BRD4: variants seen among roughly 807,000 people sequenced by gnomAD.
BRD4 encodes bromodomain containing 4, also known as bromodomain-containing protein 4.
A neutral mutation model predicts 142.1 loss-of-function variants in BRD4; 16 were observed. The ratio of observed to expected loss-of-function variants is 0.11; its 90% confidence interval spans 0.08 to 0.17. The LOEUF (loss-of-function observed/expected upper bound fraction) is 0.17. Among genes scored for constraint, BRD4 ranks in the 10% least tolerant of loss-of-function variants. BRD4 has a pLI of 1.00. For missense variants in BRD4, 1,424 were observed against 1,810.9 expected (o/e 0.79, Z 3.88); for synonymous variants, 833 against 707.5 (o/e 1.18, Z -2.82).
chr19:15,265,627 G>A lies in BRD4; in HGVS notation c.576C>T (p.Gly192=), dbSNP rs763875252. ...GAGTTGTGTTTGGTACCGTGGAAACGCCAGGTTTTGCTGTCCCTACAAATC... is the reference window on the plus strand; with the variant it reads ...GAGTTGTGTTTGGTACCGTGGAAACACCAGGTTTTGCTGTCCCTACAAATC... The part of the protein sequence containing the change: ...GRKETGTAKP[G]VSTVPNTTQA... The change falls in exon 5 of 20, where the codon GGC becomes GGT. Residue 192 remains glycine, a synonymous_variant. Transcript: ENST00000679869. The A allele has an allele frequency of 7.4e-6, 12 of 1,613,996 alleles. No individual in the cohort carries two copies. Among genetic ancestry groups the A allele is most frequent in the Admixed American group, 6.7e-5 (4 of 59,996 alleles).
chr19:15,268,527 A>G (rs2047556348), intron 3 of BRD4, among the ~76,000 whole-genome samples: 2 of 152,068 alleles, frequency 1.3e-5, no homozygotes, highest in African/African-American at 4.8e-5. Flanking sequence ...GCACAACTAC[A>G]TTTTAGCAGG....
At chr19:15,260,891 G>GA (rs914593628) in intron 7 of BRD4, among the ~76,000 whole-genome samples, 2 of 151,942 alleles carry the variant, frequency 1.3e-5, no homozygotes, top group Non-Finnish European at 2.9e-5. Flanking sequence ...GGAGAGGACA[G>GA]AAAAAATGAG....
chr19:15,299,469 G>C (rs2047850468), intron 1 of BRD4, among the ~76,000 whole-genome samples: 1 of 152,150 alleles, frequency 6.6e-6, no homozygotes, highest in African/African-American at 2.4e-5. Context: ...AGAGTCCCTT[G>C]GTGGTGGTGG....
chr19:15,298,620 CAAAAAAAAAAAAAAAAAAAAAAAAAA>C lies in BRD4; in HGVS notation c.-34-25513_-34-25488del, dbSNP rs57719337. On this transcript the variant is annotated intron_variant, in intron 1 of 19. Transcript: ENST00000679869. ...TGGGCAACAGGGCGAGACTCCAACT[CAAAAAAAAAAAAAAAAAAAAAAAAAA>C]AAAAAAAAAAAAAAGCTTGTGGTCA... Among the ~76,000 whole-genome samples the C allele has an allele frequency of 6.9e-3, 456 of 66,038 alleles. 8 individuals are homozygous for C. Among genetic ancestry groups the C allele is most frequent in the African/African-American group, 0.026 (431 of 16,418 alleles). The allele number at this position is 66,038 out of a possible 152,430, so 43.3% of individuals were successfully genotyped here. A position where few individuals can be genotyped will look rare whatever the true frequency, so the allele number is the denominator to read the frequency against.
chr19:15,254,907 G>C (rs1222103449), intron 10 of BRD4, among the ~76,000 whole-genome samples: 3 of 152,190 alleles, frequency 2.0e-5, no homozygotes, highest in Admixed American at 6.5e-5. Flanking sequence ...GCTAGAGAGG[G>C]ACAGAGGCTG....
intron 1 of BRD4, among the ~76,000 whole-genome samples, chr19:15,321,035 A>G (rs936037974): frequency 6.6e-6 from 1 of 152,108 alleles, no homozygotes; most frequent in East Asian, 1.9e-4. Flanking sequence ...GGAGTTTGAG[A>G]CCAGCCTGGC....
chr19:15,315,512 G>A (rs552183231), intron 1 of BRD4, among the ~76,000 whole-genome samples: 1 of 151,790 alleles, frequency 6.6e-6, no homozygotes, highest in South Asian at 2.1e-4. Context: ...AAGGGGATTG[G>A]GGGGGGGAAG....
chr19:15,270,413 A>G (rs2047574469), intron 2 of BRD4, among the ~76,000 whole-genome samples: 1 of 152,214 alleles, frequency 6.6e-6, no homozygotes, highest in Admixed American at 6.5e-5. Flanking sequence ...CAAGTGGTCA[A>G]GAGGGGAGAC....
At chr19:15,253,333 G>A (rs1156839335) in intron 11 of BRD4, 1 of 581,540 alleles carries the variant, frequency 1.7e-6, no homozygotes, top group Non-Finnish European at 3.0e-6. Context: ...AGAATAATGA[G>A]GAAAGTGCAC....
Position 15,265,294 on chromosome 19 carries a change from G to C in BRD4, c.849+60C>G, listed in dbSNP as rs1365706305. The C allele has an allele frequency of 3.5e-6, 5 of 1,412,832 alleles. No homozygotes were observed. The East Asian group carries it at 1.3e-4, about 35-fold the overall frequency. 87.5% of individuals were successfully genotyped at this position (1,412,832 alleles called of 1,614,324 possible). ...AGGACAGGCTCTGTGTAAAGCACGG[G>C]CAAGGACAGGGCCGCTCTCCTCCCT... is the stretch of plus-strand genomic sequence containing the variant. On this transcript the variant is annotated intron_variant, in intron 5 of 19. Transcript: ENST00000679869.
intron 1 of BRD4, among the ~76,000 whole-genome samples, chr19:15,330,085 T>C (rs1357790509): frequency 6.6e-6 from 1 of 152,212 alleles, no homozygotes; most frequent in Non-Finnish European, 1.5e-5. Flanking sequence ...AGCAGCTACC[T>C]TCTTATCTTT....
chr19:15,283,818 C>T (rs2047722053), intron 1 of BRD4, among the ~76,000 whole-genome samples: 1 of 152,194 alleles, frequency 6.6e-6, no homozygotes, highest in African/African-American at 2.4e-5. Context: ...GTCCCTGGAA[C>T]CTGCCCACAC....
At chr19:15,263,675 T>G (rs1181723179) in intron 6 of BRD4, 127 bp from the exon 7 acceptor site, 6 of 1,217,996 alleles carry the variant, frequency 4.9e-6, no homozygotes, top group Non-Finnish European at 4.7e-6. Flanking sequence ...TGGTCAAGAC[T>G]CTAGTGGGGG....
At position 15,313,533 on chromosome 19, in the gene BRD4, G is replaced by A. The variant is rs1199017045; in HGVS notation, c.-35+18757C>T. Among the ~76,000 whole-genome samples, 12 of 151,954 alleles carry A rather than the reference G, an allele frequency of 7.9e-5. 1 individual carries two copies. The highest frequency in any genetic ancestry group is 2.0e-4 in the Admixed American group (3 of 15,228). ...TACTAAAAATACAAAAAAATTTGCC[G>A]GGCGTGGTGGTGGGTGCCTGTAATC... On this transcript the variant is annotated intron_variant, in intron 1 of 19. Coordinates refer to ENST00000679869, the MANE Select transcript of BRD4 (RefSeq NM_001379291.1).
chr19:15,315,864 ACCGAGAAGCGGCCGGGCG>A (rs2145720857), intron 1 of BRD4, among the ~76,000 whole-genome samples: 1 of 151,310 alleles, frequency 6.6e-6, no homozygotes, highest in East Asian at 2.0e-4. Flanking sequence ...GCACCTCAAG[ACCGAGAAGCGGCCGGGCG>A]CCATGGCTCA....
At chr19:15,293,125 A>T (rs1312859066) in intron 1 of BRD4, among the ~76,000 whole-genome samples, 2 of 151,912 alleles carry the variant, frequency 1.3e-5, no homozygotes, top group Admixed American at 1.3e-4. Flanking sequence ...TGAAAGAAAA[A>T]AATAAATAAA....
chr19:15,244,032 G>A (rs1334673772), intron 13 of BRD4, among the ~76,000 whole-genome samples, 199 bp downstream of exon 13: 5 of 152,194 alleles, frequency 3.3e-5, no homozygotes, highest in African/African-American at 4.8e-5. Context: ...CTGAATCAAC[G>A]TGTTAATAAC....
chr19:15,322,867 C>CAAA lies in BRD4; in HGVS notation c.-35+9420_-35+9422dup, dbSNP rs71333367. 2.0e-3 allele frequency among the ~76,000 whole-genome samples: 131 copies of CAAA among 65,488 alleles called. 4 individuals carry two copies. The highest frequency in any genetic ancestry group is 7.0e-3 in the African/African-American group (121 of 17,280). The allele number at this position is 65,488 out of a possible 152,430, so 43.0% of individuals were successfully genotyped here. ...GGGAGATAGAGAGAGACTCTGTCTC[C>CAAA]AAAAAAAAAAAAAAAAAGAAAAGAA... On this transcript the variant is annotated intron_variant, in intron 1 of 19. Transcript: ENST00000679869.
intron 2 of BRD4, among the ~76,000 whole-genome samples, chr19:15,270,078 G>C (rs1269388387): frequency 1.3e-5 from 2 of 152,208 alleles, no homozygotes; most frequent in African/African-American, 4.8e-5. Flanking sequence ...TCTGACTGAG[G>C]ACAGGTGCTC....
Sources: allele counts gnomAD v4.1 joint callset (sites outside exome capture counted in the v4.1 genomes callset), GRCh38; gene constraint gnomAD v4.1.1; transcripts MANE v1.5; gene names NCBI Gene and HGNC (gene_info 2026-07-23, HGNC 2026-07-21).